The following ANKAR variants were observed in gnomAD, a reference collection of about 807,000 sequenced individuals.
ANKAR encodes ankyrin and armadillo repeat-containing protein.
In ANKAR, 136 loss-of-function variants were observed where a neutral mutation model predicts 146.2. The observed-to-expected ratio is 0.93, with a 90% CI of 0.81 to 1.07. The LOEUF is 1.07. ANKAR is among the 50% of genes least tolerant of loss of function. ANKAR has a pLI of 0.00. For synonymous variants in ANKAR, 500 were observed against 575.8 expected, an observed-to-expected ratio of 0.87 and a Z score of 1.88; for missense variants, 1,567 against 1,679.9, an observed-to-expected ratio of 0.93 and a Z score of 1.18.
At chr2:189,744,171 G>A (rs1255558909) in intron 21 of ANKAR, among the ~76,000 whole-genome samples, 2 of 152,150 alleles carry the variant, frequency 1.3e-5, no homozygotes, top group Non-Finnish European at 2.9e-5. Flanking sequence ...ATCCGAATAG[G>A]ACCCATGTAC....
At chr2:189,752,260 A>G (rs919705737) in intron 18 of ANKAR, among the ~76,000 whole-genome samples, 12 of 152,202 alleles carry the variant, frequency 7.9e-5, no homozygotes, top group Non-Finnish European at 1.5e-4. Flanking sequence ...CCTGTGTAAG[A>G]GCATAATCAC....
chr2:189,693,153 C>G lies in ANKAR; in HGVS notation c.1283C>G (p.Pro428Arg). Residue 428 changes from proline (P) to arginine (R), a missense_variant, in exon 5 of 23, where the codon CCA becomes CGA. Pro to Arg is a moderately radical substitution (Grantham distance 103). Transcript: ENST00000684021. The part of the protein sequence containing the change: ...DSGYKEYYSI[P>R]VMEFHGKSYY... ...GGATATAAAGAATATTACTCAATAC[C>G]AGTCATGGAATTTCATGGAAAAAGG... The G allele has an allele frequency of 3.2e-6, 5 of 1,554,056 alleles. No homozygotes were observed. Among genetic ancestry groups the G allele is most frequent in the Non-Finnish European group, 4.4e-6 (5 of 1,144,486 alleles).
chr2:189,735,013 T>A (rs907646266), intron 17 of ANKAR, among the ~76,000 whole-genome samples: 8 of 150,002 alleles, frequency 5.3e-5, no homozygotes, highest in African/African-American at 1.9e-4. Context: ...TAAAAAAAAA[T>A]ATATATATAA....
chr2:189,691,847 T>TA (rs1266078088), intron 3 of ANKAR, among the ~76,000 whole-genome samples: 1 of 151,884 alleles, frequency 6.6e-6, no homozygotes, highest in Non-Finnish European at 1.5e-5. Context: ...CTGCAGGTTT[T>TA]ACCTCCTGGG....
chr2:189,747,778 T>C (rs2044379831), downstream of ANKAR, among the ~76,000 whole-genome samples: 1 of 152,276 alleles, frequency 6.6e-6, no homozygotes, highest in Non-Finnish European at 1.5e-5. Context: ...CTCCGCCTCC[T>C]GGGTTCAGGC....
chr2:189,710,909 G>A (rs2039598842), intron 9 of ANKAR, 140 bp from the exon 10 acceptor site: 3 of 648,204 alleles, frequency 4.6e-6, no homozygotes, highest in Non-Finnish European at 2.8e-6. Context: ...TGCACAGAGG[G>A]GAATTTAATG....
chr2:189,680,511 TC>T (rs547879662), intron 2 of ANKAR, among the ~76,000 whole-genome samples: 1 of 152,168 alleles, frequency 6.6e-6, no homozygotes, highest in African/African-American at 2.4e-5. Context: ...TTTCTCTAGT[TC>T]CTTGAGGTGT....
In ANKAR at chr2:189,692,391, A is replaced by T; in HGVS notation, c.1176A>T (p.Ser392=). Residue 392 remains serine (S), a synonymous_variant, in exon 4 of 23, where the codon TCA becomes TCT. Coordinates refer to ENST00000684021, the MANE Select transcript of ANKAR (RefSeq NM_001378068.1). ...TTGAATTTGATATCAGCACCCCTTC[A>T]ATTGAGAATGCCTTGGAAGATTTTC... is the stretch of plus-strand genomic sequence containing the variant. ...GGIEFDISTP[S]IENALEDFQK... is the part of the protein sequence containing the mutation. The T allele has an allele frequency of 1.2e-6, 2 of 1,611,954 alleles. No individual in the cohort carries two copies. Among genetic ancestry groups the T allele is most frequent in the Non-Finnish European group, 1.7e-6 (2 of 1,179,452 alleles).
intron 5 of ANKAR, among the ~76,000 whole-genome samples, chr2:189,694,379 G>C (rs2036886654): frequency 6.6e-6 from 1 of 152,154 alleles, no homozygotes; most frequent in Admixed American, 6.5e-5. Flanking sequence ...TACCTCATGG[G>C]GGGAAGGGGA....
intron 17 of ANKAR, among the ~76,000 whole-genome samples, chr2:189,736,063 A>AAC (rs1381630647): frequency 2.0e-5 from 3 of 152,212 alleles, no homozygotes; most frequent in African/African-American, 7.2e-5. Flanking sequence ...AAAGTATGGA[A>AAC]ACACATGTCT....
rs201681979 is a variant in ANKAR, at chr2:189,728,043, A to C, written c.2823A>C (p.Ile941=). The part of the protein sequence containing the change: ...VESLASHNAL[I]QKAFLEKSLT... ...CACTGGCAAGTCACAACGCTCTTAT[A>C]CAGAAAGCATTTCTGGAAAAATCGT... The change falls in exon 13 of 23, where the codon ATA becomes ATC. Residue 941 remains isoleucine (I), a synonymous_variant. Coordinates refer to ENST00000684021, the MANE Select transcript of ANKAR (RefSeq NM_001378068.1). 1.2e-6 allele frequency: 2 copies of C among 1,613,818 alleles called. No homozygotes were observed. The highest frequency in any genetic ancestry group is 3.3e-5 in the Admixed American group (2 of 59,954).
intron 10 of ANKAR, among the ~76,000 whole-genome samples, chr2:189,711,467 A>G (rs983413938): frequency 6.6e-6 from 1 of 152,216 alleles, no homozygotes; most frequent in Non-Finnish European, 1.5e-5. Context: ...TTTAGAAATT[A>G]TTCCTATTCT....
intron 11 of ANKAR, 38 bp downstream of exon 11, chr2:189,719,851 A>T (rs2041022388): frequency 6.5e-7 from 1 of 1,533,364 alleles, no homozygotes; most frequent in South Asian, 1.2e-5. Context: ...TTGACTGACA[A>T]TAACTCCCTC....
intron 18 of ANKAR, chr2:189,754,282 T>C: frequency 6.2e-7 from 1 of 1,613,858 alleles, no homozygotes; most frequent in Non-Finnish European, 8.5e-7. Context: ...AAATGTTCTA[T>C]GGCTTTCCCA....
At chr2:189,758,396 AGT>A (rs2106051658) in intron 18 of ANKAR, among the ~76,000 whole-genome samples, 1 of 151,784 alleles carries the variant, frequency 6.6e-6, no homozygotes, top group South Asian at 2.1e-4. Flanking sequence ...GAAAAAAAAA[AGT>A]GTGTAGCACC....
intron 2 of ANKAR, among the ~76,000 whole-genome samples, chr2:189,687,548 A>G (rs1388316344): frequency 6.6e-6 from 1 of 152,222 alleles, no homozygotes; most frequent in Non-Finnish European, 1.5e-5. Context: ...ACTGTTCTCC[A>G]TAGTGGCTGT....
intron 9 of ANKAR, among the ~76,000 whole-genome samples, chr2:189,710,435 G>A (rs1344890925): frequency 6.6e-6 from 1 of 152,130 alleles, no homozygotes; most frequent in Non-Finnish European, 1.5e-5. Flanking sequence ...AATTTTAGCC[G>A]AGGGAGTTGT....
intron 7 of ANKAR, among the ~76,000 whole-genome samples, chr2:189,702,364 G>T (rs2038202889): frequency 6.6e-6 from 1 of 152,258 alleles, no homozygotes; most frequent in Non-Finnish European, 1.5e-5. Context: ...CACTATGATG[G>T]ATCCTTCTAG....
chr2:189,728,899 C>T, intron 15 of ANKAR, 78 bp downstream of exon 15: 1 of 1,358,510 alleles, frequency 7.4e-7, no homozygotes, highest in East Asian at 2.3e-5. Flanking sequence ...AAATTAATCT[C>T]TCTTCCTCTC....
Sources: allele counts gnomAD v4.1 joint callset (sites outside exome capture counted in the v4.1 genomes callset), GRCh38; gene constraint gnomAD v4.1.1; transcripts MANE v1.5; gene names NCBI Gene and HGNC (gene_info 2026-07-23, HGNC 2026-07-21).